The following HTRA3 variants were observed in gnomAD, a reference collection of about 807,000 sequenced individuals.
HTRA3 encodes HtrA serine peptidase 3, also known as serine protease HTRA3.
In HTRA3, 41 loss-of-function variants were observed where a neutral mutation model predicts 43.2. The observed-to-expected ratio is 0.95, with a 90% CI of 0.74 to 1.23. The LOEUF is 1.23. Among genes scored for constraint, HTRA3 ranks in the 50% most tolerant of loss-of-function variants. The pLI is 0.00. For missense variants in HTRA3, 628 were observed against 647.1 expected (o/e 0.97, Z 0.32); for synonymous variants, 295 against 287.9 (o/e 1.02, Z -0.25).
In HTRA3 at chr4:8,298,810, G is replaced by A. The variant is rs2153006938; in HGVS notation, c.1052-3653G>A. Among the ~76,000 whole-genome samples, 5 of 152,302 alleles carry A rather than the reference G, an allele frequency of 3.3e-5. No individual in the cohort carries two copies. The South Asian group carries it at 1.0e-3, about 32-fold the overall frequency. On this transcript the variant is annotated intron_variant, in intron 6 of 8. Coordinates refer to ENST00000307358, the MANE Select transcript of HTRA3 (RefSeq NM_053044.5). ...TTCGCACCGTTGTCCAAAAGAGAAT[G>A]ACCATGTGCCATTCCAGCTGTCTGT... is the stretch of plus-strand genomic sequence containing the variant.
chr4:8,283,073 G>A (rs1048422257), intron 2 of HTRA3, among the ~76,000 whole-genome samples: 1 of 152,342 alleles, frequency 6.6e-6, no homozygotes, highest in Admixed American at 6.5e-5. Flanking sequence ...CGTGTGGCCG[G>A]AGCGGGGAGG....
intron 1 of HTRA3, among the ~76,000 whole-genome samples, chr4:8,273,435 T>C (rs1712379715): frequency 2.0e-5 from 3 of 152,078 alleles, no homozygotes; most frequent in Admixed American, 1.3e-4. Context: ...AGGTTCCTTG[T>C]GCTCTCCTCT....
chr4:8,305,938 G>A (rs371707007), intron 8 of HTRA3, 33 bp from the exon 9 acceptor site: 14 of 1,610,556 alleles, frequency 8.7e-6, no homozygotes, highest in African/African-American at 8.1e-5. Flanking sequence ...CTGGGGAGGC[G>A]GTGGGTGGTG....
chr4:8,282,229 G>A (rs1328188347), intron 1 of HTRA3, among the ~76,000 whole-genome samples: 1 of 152,190 alleles, frequency 6.6e-6, no homozygotes, highest in Non-Finnish European at 1.5e-5. Flanking sequence ...CATTCTCGGG[G>A]TGAGCGAGCC....
At chr4:8,289,917 T>G (rs556768837) in intron 3 of HTRA3, among the ~76,000 whole-genome samples, 1 of 143,422 alleles carries the variant, frequency 7.0e-6, no homozygotes, top group South Asian at 2.3e-4. Context: ...CTGTGCGCCC[T>G]CCTTGGGTGC....
intron 6 of HTRA3, among the ~76,000 whole-genome samples, 191 bp downstream of exon 6, chr4:8,294,392 G>A (rs566210332): frequency 6.6e-6 from 1 of 151,838 alleles, no homozygotes; most frequent in South Asian, 2.1e-4. Flanking sequence ...GCCTCTTTCA[G>A]GATCTTCCCC....
At position 8,294,966 on chromosome 4, in the gene HTRA3, C is replaced by T. The variant is rs368267540; in HGVS notation, c.1051+765C>T. On this transcript the variant is annotated intron_variant, in intron 6 of 8. Transcript: ENST00000307358. Reference sequence around the variant, plus strand: ...ACCCATCCATCCGTCCATCCATCATCCATCCATTTACCCATCCATCCATCC... The same window carrying T: ...ACCCATCCATCCGTCCATCCATCATTCATCCATTTACCCATCCATCCATCC... Among the ~76,000 whole-genome samples, 370 of 151,888 alleles carry T rather than the reference C, an allele frequency of 2.4e-3. 1 individual carries two copies. The highest frequency in any genetic ancestry group is 8.6e-3 in the African/African-American group (355 of 41,432).
chr4:8,273,986 T>G (rs938667367), intron 1 of HTRA3, among the ~76,000 whole-genome samples: 5 of 148,438 alleles, frequency 3.4e-5, no homozygotes, highest in African/African-American at 1.1e-4. Context: ...GCGCTCTGAC[T>G]TCCCCCTCCA....
At position 8,304,261 on chromosome 4, in the gene HTRA3, C is replaced by A; in HGVS notation, c.1178C>A (p.Pro393Gln). 1 of 1,614,070 alleles carries A rather than the reference C, an allele frequency of 6.2e-7. No individual in the cohort carries two copies. Among genetic ancestry groups the A allele is most frequent in the East Asian group, 2.2e-5 (1 of 44,892 alleles). ...SSGIYVQEVA[P>Q]NSPSQRGGIQ... ...GGAATTTATGTGCAAGAGGTTGCGC[C>A]GAATTCACCTTCTCAGAGGTAGGCT... is the stretch of plus-strand genomic sequence containing the variant. Residue 393 changes from proline to glutamine, a missense_variant, in exon 8 of 9, where the codon CCG (proline) becomes CAG (glutamine). Transcript: ENST00000307358.
chr4:8,275,916 C>A (rs1281190211), intron 1 of HTRA3, among the ~76,000 whole-genome samples: 1 of 152,220 alleles, frequency 6.6e-6, no homozygotes, highest in Non-Finnish European at 1.5e-5. Context: ...ACCAGGCAGG[C>A]CCCTAGCAGC....
intron 6 of HTRA3, among the ~76,000 whole-genome samples, chr4:8,298,958 G>A (rs969748534): frequency 6.6e-6 from 1 of 152,160 alleles, no homozygotes; most frequent in Admixed American, 6.5e-5. Context: ...GGACTCCTCA[G>A]ACCCTTTGCA....
intron 7 of HTRA3, among the ~76,000 whole-genome samples, chr4:8,303,513 G>A (rs1000674736): frequency 2.6e-5 from 4 of 152,172 alleles, no homozygotes; most frequent in African/African-American, 9.7e-5. Context: ...TCACTGCATC[G>A]GGAGCCTAGG....
At chr4:8,302,339 A>G in intron 6 of HTRA3, 124 bp from the exon 7 acceptor site, 3 of 868,750 alleles carry the variant, frequency 3.5e-6, no homozygotes, top group South Asian at 1.4e-5. Context: ...GGCCAGCTCA[A>G]GCAGAATGAC....
At position 8,294,064 on chromosome 4, in the gene HTRA3, C is replaced by G. The variant is rs751537598; in HGVS notation, c.937-23C>G. The G allele has an allele frequency of 1.9e-6, 3 of 1,554,712 alleles. No homozygotes were observed. The African/African-American group carries it at 4.1e-5, about 21-fold the overall frequency. On this transcript the variant is annotated intron_variant, in intron 5 of 8. Coordinates refer to ENST00000307358, the MANE Select transcript of HTRA3 (RefSeq NM_053044.5). The stretch of plus-strand genomic sequence containing the variant: ...TTTGCCTGGGTTCCCCCAACTGATG[C>G]CTGCTCTTACCTCCCTGCCCAGGAT...
intron 1 of HTRA3, among the ~76,000 whole-genome samples, chr4:8,271,991 C>T (rs769298714): frequency 3.9e-5 from 6 of 152,154 alleles, no homozygotes; most frequent in Admixed American, 1.3e-4. Context: ...ATTGACTCAA[C>T]GCCTGCTGCA....
chr4:8,304,904 C>T (rs1285901720), intron 8 of HTRA3, among the ~76,000 whole-genome samples: 1 of 152,160 alleles, frequency 6.6e-6, no homozygotes. Flanking sequence ...GGCGATCCAC[C>T]TGCCTTGGCC....
At chr4:8,285,592 G>A (rs192297398) in intron 2 of HTRA3, among the ~76,000 whole-genome samples, 11 of 152,316 alleles carry the variant, frequency 7.2e-5, no homozygotes, top group Non-Finnish European at 1.2e-4. Flanking sequence ...TGGGCCCCAC[G>A]CTGGGGTCCC....
chr4:8,298,033 G>A (rs1001009706), intron 6 of HTRA3, among the ~76,000 whole-genome samples: 2 of 152,158 alleles, frequency 1.3e-5, no homozygotes, highest in Admixed American at 6.5e-5. Context: ...TCCACCCCGG[G>A]CCTCGTCGCC....
chr4:8,292,008 C>T (rs28457236), intron 4 of HTRA3, among the ~76,000 whole-genome samples: 2,816 of 152,304 alleles, frequency 0.018, 88 homozygotes, highest in African/African-American at 0.063. Flanking sequence ...TAGAGGGCCC[C>T]CCCAGGCCAG....
Sources: allele counts gnomAD v4.1 joint callset (sites outside exome capture counted in the v4.1 genomes callset), GRCh38; gene constraint gnomAD v4.1.1; transcripts MANE v1.5; gene names NCBI Gene and HGNC (gene_info 2026-07-23, HGNC 2026-07-21).